Variants in CSMD1 observed in about 807,000 individuals in gnomAD.
The protein encoded by CSMD1 is CUB and sushi domain-containing protein 1.
CSMD1 carries 213 observed loss-of-function variants against 417.5 expected under a neutral mutation model. That is an observed-to-expected ratio of 0.51 (90% confidence interval 0.46 to 0.57). The LOEUF is 0.57. Ranked by LOEUF, CSMD1 falls within the 20% of genes least tolerant of loss-of-function variation. The pLI, the probability that CSMD1 is intolerant of heterozygous loss-of-function variation, is 0.00. For missense variants in CSMD1, 6,923 were observed against 4,529.7 expected, an observed-to-expected ratio of 1.53 and a Z score of -15.17; for synonymous variants, 2,862 against 1,736.8, an observed-to-expected ratio of 1.65 and a Z score of -16.11.
chr8:4,329,463 T>C (rs1434473836), intron 3 of CSMD1, among the ~76,000 whole-genome samples: 3 of 152,062 alleles, frequency 2.0e-5, no homozygotes, highest in African/African-American at 4.8e-5. Context: ...AATTTTTGTA[T>C]TTTCAGGATA....
At chr8:3,039,344 C>CT (rs1810919353) in intron 50 of CSMD1, among the ~76,000 whole-genome samples, 5 of 145,000 alleles carry the variant, frequency 3.4e-5, no homozygotes, top group African/African-American at 1.3e-4. Context: ...TCTTCCTTTC[C>CT]GCCTTCCTTC....
intron 2 of CSMD1, among the ~76,000 whole-genome samples, chr8:4,594,390 G>A (rs1016408894): frequency 2.6e-5 from 4 of 151,700 alleles, no homozygotes; most frequent in African/African-American, 7.3e-5. Flanking sequence ...AGTAGAGACA[G>A]GATTTCACCA....
At chr8:4,545,038 T>C (rs1004231922) in intron 2 of CSMD1, among the ~76,000 whole-genome samples, 2 of 152,236 alleles carry the variant, frequency 1.3e-5, no homozygotes, top group Admixed American at 6.5e-5. Flanking sequence ...CATGCACCCA[T>C]TTAAACAATA....
At chr8:3,250,933 G>A (rs1188309180) in intron 26 of CSMD1, among the ~76,000 whole-genome samples, 1 of 152,090 alleles carries the variant, frequency 6.6e-6, no homozygotes, top group Non-Finnish European at 1.5e-5. Flanking sequence ...TTGTAAATTT[G>A]TTTGAGTTCA....
intron 3 of CSMD1, among the ~76,000 whole-genome samples, chr8:4,176,058 T>G (rs1201125577): frequency 6.6e-6 from 1 of 152,020 alleles, no homozygotes; most frequent in East Asian, 1.9e-4. Flanking sequence ...AGCAGAAAAG[T>G]GTGACTTAGA....
chr8:3,656,378 C>A (rs1052777979), intron 7 of CSMD1, among the ~76,000 whole-genome samples: 4 of 151,352 alleles, frequency 2.6e-5, no homozygotes, highest in Non-Finnish European at 4.4e-5. Flanking sequence ...ATAGATGACA[C>A]CTGCTTTCTC....
chr8:4,743,096 C>T (rs910045064), intron 1 of CSMD1, among the ~76,000 whole-genome samples: 1 of 152,024 alleles, frequency 6.6e-6, no homozygotes, highest in African/African-American at 2.4e-5. Flanking sequence ...TGCTAAGAGT[C>T]AGTATATAAT....
intron 3 of CSMD1, among the ~76,000 whole-genome samples, chr8:4,353,978 A>G (rs1801251039): frequency 6.6e-6 from 1 of 152,102 alleles, no homozygotes; most frequent in Admixed American, 6.5e-5. Context: ...ATATTGTTTC[A>G]CTTTTTCCTA....
intron 3 of CSMD1, among the ~76,000 whole-genome samples, chr8:4,375,918 C>G (rs555315086): frequency 1.3e-5 from 2 of 152,328 alleles, no homozygotes; most frequent in Admixed American, 6.5e-5. Flanking sequence ...GCCACCACCT[C>G]CTGCTCTTAG....
chr8:4,057,255 G>T (rs1363123838), intron 3 of CSMD1, among the ~76,000 whole-genome samples: 1 of 152,104 alleles, frequency 6.6e-6, no homozygotes, highest in Non-Finnish European at 1.5e-5. Flanking sequence ...TCTCATTGTG[G>T]TTTTGATTTG....
chr8:3,636,374 C>G (rs943784665), intron 7 of CSMD1, among the ~76,000 whole-genome samples: 2 of 152,148 alleles, frequency 1.3e-5, no homozygotes, highest in Non-Finnish European at 2.9e-5. Flanking sequence ...GATGAGGGTT[C>G]TCCATGTTGG....
intron 68 of CSMD1, among the ~76,000 whole-genome samples, chr8:2,942,952 T>A (rs201974958): frequency 1.3e-5 from 2 of 152,194 alleles, no homozygotes; most frequent in African/African-American, 4.8e-5. Flanking sequence ...TATTCAGAGG[T>A]CAATAATATT....
intron 46 of CSMD1, 90 bp downstream of exon 46, chr8:3,106,438 C>T: frequency 1.4e-6 from 1 of 733,768 alleles, no homozygotes; most frequent in African/African-American, 1.8e-5. Flanking sequence ...AATAAGTTCA[C>T]ATCTATACAA....
intron 5 of CSMD1, among the ~76,000 whole-genome samples, chr8:3,913,471 C>T (rs1359610547): frequency 6.6e-6 from 1 of 152,134 alleles, no homozygotes; most frequent in Non-Finnish European, 1.5e-5. Flanking sequence ...CTGGAAGAAG[C>T]AAGCCCTTGG....
chr8:4,200,310 T>G (rs566867707), intron 3 of CSMD1, among the ~76,000 whole-genome samples: 1 of 152,128 alleles, frequency 6.6e-6, no homozygotes, highest in Non-Finnish European at 1.5e-5. Context: ...ATGCTTAGAG[T>G]GTCACTTAGA....
chr8:4,401,811 C>T (rs1156903843), intron 3 of CSMD1, among the ~76,000 whole-genome samples: 2 of 152,134 alleles, frequency 1.3e-5, no homozygotes, highest in South Asian at 2.1e-4. Flanking sequence ...TCACTCACCC[C>T]TCCGTTCCCT....
intron 5 of CSMD1, among the ~76,000 whole-genome samples, chr8:3,954,550 G>C (rs988303411): frequency 6.6e-6 from 1 of 152,150 alleles, no homozygotes; most frequent in African/African-American, 2.4e-5. Context: ...TGTATTTTTA[G>C]TAGAGACGGG....
At chr8:4,811,237 A>G (rs191724721) in intron 1 of CSMD1, among the ~76,000 whole-genome samples, 4 of 152,324 alleles carry the variant, frequency 2.6e-5, no homozygotes, top group Non-Finnish European at 5.9e-5. Context: ...AGAACTGAAG[A>G]CAATTCAATT....
At chr8:3,197,153 T>C (rs1195551654) in intron 33 of CSMD1, among the ~76,000 whole-genome samples, 3 of 152,344 alleles carry the variant, frequency 2.0e-5, no homozygotes, top group Non-Finnish European at 4.4e-5. Context: ...TCATCATTAA[T>C]TCTGTCTTCA....
Sources: allele counts gnomAD v4.1 joint callset (sites outside exome capture counted in the v4.1 genomes callset), GRCh38; gene constraint gnomAD v4.1.1; transcripts MANE v1.5; gene names NCBI Gene and HGNC (gene_info 2026-07-23, HGNC 2026-07-21).